The following ZNF81 variants were observed in gnomAD, a reference collection of about 807,000 sequenced individuals.
The protein encoded by ZNF81 is zinc finger protein 81.
Under a neutral mutation model 32.3 loss-of-function variants are expected in ZNF81, and 5 were observed. The observed-to-expected ratio is 0.15, with a 90% CI of 0.08 to 0.33. The LOEUF is 0.33. Ranked by LOEUF, ZNF81 falls within the 10% of genes least tolerant of loss-of-function variation. The pLI is 1.00. For synonymous variants in ZNF81, 163 were observed against 166.8 expected, an observed-to-expected ratio of 0.98 and a Z score of 0.17; for missense variants, 379 against 479.8, an observed-to-expected ratio of 0.79 and a Z score of 1.96.
intron 2 of ZNF81, among the ~76,000 whole-genome samples, chrX:47,885,620 G>A (rs781921079): frequency 6.3e-5 from 7 of 111,710 alleles, no homozygotes; most frequent in African/African-American, 6.5e-5. Flanking sequence ...CCAAGATGGC[G>A]CCTTGTTGCT....
intron 2 of ZNF81, among the ~76,000 whole-genome samples, chrX:47,868,162 C>T (rs782098929): frequency 9.0e-6 from 1 of 111,429 alleles, no homozygotes; most frequent in East Asian, 2.8e-4. Context: ...AATAGTAACA[C>T]CAGGCATGTC....
chrX:47,924,184 A>C lies in ZNF81; in HGVS notation c.*7552A>C, dbSNP rs1556892388. ...AGCTACCTCTATAAATTGTGCATGC[A>C]TCCCTTATTCCATAATGCTCATAGT... On this transcript the variant is annotated 3_prime_UTR_variant, in exon 5 of 5. Transcript: ENST00000338637. Among the ~76,000 whole-genome samples, 1 of 112,206 alleles carries C rather than the reference A, an allele frequency of 8.9e-6. No homozygotes were observed. The highest frequency in any genetic ancestry group is 1.9e-5 in the Non-Finnish European group (1 of 53,291).
At chrX:47,904,449 A>G (rs1447787803) in intron 4 of ZNF81, among the ~76,000 whole-genome samples, 3 of 105,962 alleles carry the variant, frequency 2.8e-5, no homozygotes, top group Admixed American at 1.0e-4. Flanking sequence ...GCAGCCAAAA[A>G]ACACATGAAA....
chrX:47,841,493 C>G, intron 1 of ZNF81: 1 of 1,005,239 alleles, frequency 9.9e-7, no homozygotes, highest in Admixed American at 2.2e-5. Context: ...TTCTAGTCGT[C>G]TGAGACGCAC....
In ZNF81 at chrX:47,892,141, C is replaced by G. The variant is rs782568404; in HGVS notation, c.182-3704C>G. On this transcript the variant is annotated intron_variant, in intron 3 of 4. Coordinates refer to ENST00000338637, the MANE Select transcript of ZNF81 (RefSeq NM_007137.5). ...TCTTTTCTCAGGACACCATGATCAA[C>G]TAGCCAGTGCCATAGGTCTCTGTGA... 2.5e-4 allele frequency among the ~76,000 whole-genome samples: 28 copies of G among 112,117 alleles called. No individual in the cohort carries two copies. The East Asian group carries it at 3.9e-3, about 16-fold the overall frequency.
In ZNF81 at chrX:47,841,407, C is replaced by T. The variant is rs782667025; in HGVS notation, c.-164+4420C>T. The T allele has an allele frequency of 2.4e-5, 19 of 803,341 alleles. No individual in the cohort carries two copies. In the African/African-American group the frequency reaches 2.4e-4, roughly 10 times the overall value. The allele number at this position is 803,341 out of a possible 1,213,427, so 66.2% of individuals were successfully genotyped here. ...GTGGTTCTCTGCACCAGTAAACTCA[C>T]GCCATCAATCCTTTCGATGTGTATG... On this transcript the variant is annotated intron_variant, in intron 1 of 4. Transcript: ENST00000338637.
At chrX:47,912,692 C>T (rs2058743162) in intron 4 of ZNF81, among the ~76,000 whole-genome samples, 2 of 109,406 alleles carry the variant, frequency 1.8e-5, no homozygotes, top group South Asian at 8.1e-4. Context: ...GTGGGATCTG[C>T]GTGCTTGACT....
At position 47,836,965 on chromosome X, in the gene ZNF81, G is replaced by T. The variant is rs1556879141; in HGVS notation, c.-186G>T. ...TTGATAGTTGTCAGGAGGATTCGAC[G>T]TTCAGTGCCCAGGGATGTGGAGGTG... On this transcript the variant is annotated 5_prime_UTR_variant, in exon 1 of 5. Coordinates refer to ENST00000338637, the MANE Select transcript of ZNF81 (RefSeq NM_007137.5). 1.4e-5 allele frequency: 3 copies of T among 212,785 alleles called. No individual in the cohort carries two copies. Among genetic ancestry groups the T allele is most frequent in the African/African-American group, 2.9e-5 (1 of 34,281 alleles). The allele number at this position is 212,785 out of a possible 1,213,427, so 17.5% of individuals were successfully genotyped here.
In ZNF81 at chrX:47,839,639, TA is replaced by T. The variant is rs1220998516; in HGVS notation, c.-164+2661del. Among the ~76,000 whole-genome samples, 9 of 110,912 alleles carry T rather than the reference TA, an allele frequency of 8.1e-5. No individual in the cohort carries two copies. In the East Asian group the frequency reaches 1.1e-3, roughly 14 times the overall value. On this transcript the variant is annotated intron_variant, in intron 1 of 4. Coordinates refer to ENST00000338637, the MANE Select transcript of ZNF81 (RefSeq NM_007137.5). ...TTATGTATATGCATATATTCCAAAATAAAAAAAAACTGAAATCTGAAACACT... is the reference window on the plus strand; with the variant it reads ...TTATGTATATGCATATATTCCAAAATAAAAAAAACTGAAATCTGAAACACT...
intron 2 of ZNF81, among the ~76,000 whole-genome samples, chrX:47,855,042 C>T (rs913748184): frequency 1.8e-5 from 2 of 109,045 alleles, no homozygotes; most frequent in Non-Finnish European, 3.8e-5. Flanking sequence ...TGCAGTGAGC[C>T]GAGATCATGC....
chrX:47,884,346 G>T (rs949618787), intron 2 of ZNF81, among the ~76,000 whole-genome samples: 1 of 105,753 alleles, frequency 9.5e-6, no homozygotes, highest in African/African-American at 3.4e-5. Flanking sequence ...GTGCCATGTT[G>T]TGAGCTGCCC....
At chrX:47,908,463 T>C (rs2058728269) in intron 4 of ZNF81, among the ~76,000 whole-genome samples, 1 of 111,964 alleles carries the variant, frequency 8.9e-6, no homozygotes, top group Non-Finnish European at 1.9e-5. Context: ...TTCAACCACT[T>C]TGGAAGATAG....
chrX:47,857,661 A>G (rs1191333364), intron 2 of ZNF81, among the ~76,000 whole-genome samples: 3 of 110,524 alleles, frequency 2.7e-5, no homozygotes, highest in African/African-American at 9.9e-5. Flanking sequence ...ATGCTGGGCC[A>G]TTCTCACAAG....
Position 47,916,615 on chromosome X carries a change from C to T in ZNF81, c.1969C>T (p.Arg657Cys), listed in dbSNP as rs782477456. 2 of 1,200,852 alleles carry T rather than the reference C, an allele frequency of 1.7e-6. No individual in the cohort carries two copies. The highest frequency in any genetic ancestry group is 3.0e-5 in the East Asian group (1 of 33,709). ...CCAGAAATCAGTTCTCAGTATGCAT[C>T]GCAATATTCATACATGAAAGTAATC... Reference protein sequence around the residue: ...FTQKSVLSMHRNIHT With the variant: ...FTQKSVLSMHCNIHT The change falls in exon 5 of 5, where the codon CGC (arginine) becomes TGC (cysteine). Residue 657 changes from arginine (R) to cysteine (C), a missense_variant. Arg to Cys is a radical substitution (Grantham distance 180). Around this residue, in one of 2 missense-constraint regions of ZNF81, gnomAD observed 102 missense variants for 173.2 expected, o/e 0.59. Transcript: ENST00000338637.
At chrX:47,860,827 C>T (rs2058537321) in intron 2 of ZNF81, 1 of 111,181 alleles carries the variant, frequency 9.0e-6, no homozygotes, top group African/African-American at 3.3e-5. Flanking sequence ...AAGCTCTGCG[C>T]CCCTTCCCAC....
At position 47,895,830 on chromosome X, in the gene ZNF81, G is replaced by A. The variant is rs782547151; in HGVS notation, c.182-15G>A. The A allele has an allele frequency of 1.8e-5, 21 of 1,177,181 alleles. No homozygotes were observed. The East Asian group carries it at 3.3e-4, about 18-fold the overall frequency. ...AATTTGCTGGACCCAATTCTCTATCGTGTCCTGTTAACAGGGTTCGAAGTT... is the reference window on the plus strand; with the variant it reads ...AATTTGCTGGACCCAATTCTCTATCATGTCCTGTTAACAGGGTTCGAAGTT... On this transcript the variant is annotated splice_polypyrimidine_tract_variant and intron_variant, in intron 3 of 4. Transcript: ENST00000338637.
At chrX:47,880,084 A>G (rs1378638088) in intron 2 of ZNF81, among the ~76,000 whole-genome samples, 4 of 112,334 alleles carry the variant, frequency 3.6e-5, no homozygotes, top group Non-Finnish European at 7.5e-5. Context: ...GGTGTTGAAC[A>G]CACTTGCTAA....
chrX:47,856,011 T>C (rs1270129901), intron 2 of ZNF81, among the ~76,000 whole-genome samples: 2 of 88,599 alleles, frequency 2.3e-5, no homozygotes, highest in Non-Finnish European at 4.2e-5. Context: ...ATCACGCCAC[T>C]GCACTCCAGC....
intron 2 of ZNF81, among the ~76,000 whole-genome samples, chrX:47,876,620 C>T (rs1556884560): frequency 8.9e-6 from 1 of 112,242 alleles, no homozygotes; most frequent in East Asian, 2.8e-4. Context: ...TCTTCTACCT[C>T]CAGTGGGGTA....
Sources: allele counts gnomAD v4.1 joint callset (sites outside exome capture counted in the v4.1 genomes callset), GRCh38; gene constraint gnomAD v4.1.1; regional missense constraint gnomAD v4.1.1; transcripts MANE v1.5; gene names NCBI Gene and HGNC (gene_info 2026-07-23, HGNC 2026-07-21).